MAGI1: variants seen among roughly 807,000 people sequenced by gnomAD.
MAGI1 encodes the protein membrane-associated guanylate kinase, WW and PDZ domain-containing protein 1.
A neutral mutation model predicts 139.9 loss-of-function variants in MAGI1; 58 were observed. The observed-to-expected ratio is 0.41, with a 90% CI of 0.34 to 0.52. MAGI1 has a LOEUF of 0.52. Ranked by LOEUF, MAGI1 falls within the 20% of genes least tolerant of loss-of-function variation. The pLI is 0.12. For synonymous variants in MAGI1, 812 were observed against 737.9 expected, an observed-to-expected ratio of 1.10 and a Z score of -1.63; for missense variants, 1,874 against 1,901.6, an observed-to-expected ratio of 0.99 and a Z score of 0.27.
At chr3:65,678,011 T>G (rs2087309184) in intron 1 of MAGI1, among the ~76,000 whole-genome samples, 1 of 152,250 alleles carries the variant, frequency 6.6e-6, no homozygotes, top group Non-Finnish European at 1.5e-5. Flanking sequence ...GATGAGTTCA[T>G]GTCCTTTGCA....
chr3:65,993,566 A>G (rs2066288645), intron 1 of MAGI1, among the ~76,000 whole-genome samples: 1 of 152,200 alleles, frequency 6.6e-6, no homozygotes, highest in Non-Finnish European at 1.5e-5. Context: ...ACTGAACCCA[A>G]AAACTTGTTC....
At chr3:65,933,252 G>A (rs1288561457) in intron 1 of MAGI1, among the ~76,000 whole-genome samples, 1 of 152,192 alleles carries the variant, frequency 6.6e-6, no homozygotes, top group East Asian at 1.9e-4. Context: ...GTTTCTACAA[G>A]TAAGGAACAG....
chr3:65,789,563 T>C (rs767826881), intron 1 of MAGI1, among the ~76,000 whole-genome samples: 26 of 152,184 alleles, frequency 1.7e-4, no homozygotes, highest in Non-Finnish European at 3.7e-4. Context: ...CCAGAGAAGT[T>C]AGGTAAGTTA....
chr3:65,941,570 T>C (rs1457664835), intron 1 of MAGI1, among the ~76,000 whole-genome samples: 6 of 152,110 alleles, frequency 3.9e-5, no homozygotes, highest in African/African-American at 1.4e-4. Context: ...AAAATAAGTC[T>C]AGATTGTGAA....
intron 12 of MAGI1, among the ~76,000 whole-genome samples, chr3:65,422,222 A>G (rs1946677787): frequency 6.6e-6 from 1 of 152,224 alleles, no homozygotes; most frequent in Non-Finnish European, 1.5e-5. Context: ...ACTGAAATTT[A>G]AATCTTACAT....
intron 1 of MAGI1, among the ~76,000 whole-genome samples, chr3:65,830,108 G>A (rs2042445327): frequency 6.6e-6 from 1 of 152,182 alleles, no homozygotes; most frequent in African/African-American, 2.4e-5. Flanking sequence ...CTGACCACCA[G>A]CACTGCCCAG....
chr3:66,012,148 AC>A (rs1438056476), intron 1 of MAGI1, among the ~76,000 whole-genome samples: 1 of 152,162 alleles, frequency 6.6e-6, no homozygotes, highest in Admixed American at 6.6e-5. Flanking sequence ...AGCCACTGAA[AC>A]ATTCTATGCT....
intron 2 of MAGI1, among the ~76,000 whole-genome samples, chr3:65,571,263 T>C (rs2108070567): frequency 6.6e-6 from 1 of 152,290 alleles, no homozygotes; most frequent in Non-Finnish European, 1.5e-5. Flanking sequence ...ACAAATTATT[T>C]TATATAAGTT....
At chr3:65,826,630 C>A (rs7611510) in intron 1 of MAGI1, among the ~76,000 whole-genome samples, 2 of 152,204 alleles carry the variant, frequency 1.3e-5, no homozygotes, top group African/African-American at 4.8e-5. Flanking sequence ...GCCCAACTCA[C>A]AAGACCAGAC....
intron 2 of MAGI1, among the ~76,000 whole-genome samples, chr3:65,535,984 G>A (rs2078942491): frequency 6.6e-6 from 1 of 152,206 alleles, no homozygotes; most frequent in Non-Finnish European, 1.5e-5. Context: ...CACACCATGA[G>A]GGGCACATGG....
intron 1 of MAGI1, among the ~76,000 whole-genome samples, chr3:65,701,445 G>C (rs1361761771): frequency 1.3e-5 from 2 of 152,256 alleles, no homozygotes; most frequent in Non-Finnish European, 2.9e-5. Context: ...TAGAGACGGG[G>C]TTTCGCCATG....
intron 1 of MAGI1, among the ~76,000 whole-genome samples, chr3:65,742,568 C>A (rs17370322): frequency 6.6e-6 from 1 of 152,120 alleles, no homozygotes; most frequent in African/African-American, 2.4e-5. Flanking sequence ...ATTCTTCAGA[C>A]GATTAAAGGA....
At chr3:65,947,205 T>C (rs931794075) in intron 1 of MAGI1, among the ~76,000 whole-genome samples, 5 of 152,170 alleles carry the variant, frequency 3.3e-5, no homozygotes, top group African/African-American at 4.8e-5. Context: ...GAAAATTGTA[T>C]TGGTAAGCCA....
intron 1 of MAGI1, among the ~76,000 whole-genome samples, chr3:65,977,727 A>T (rs999273949): frequency 6.9e-6 from 1 of 144,072 alleles, no homozygotes; most frequent in Non-Finnish European, 1.5e-5. Flanking sequence ...ACTACCAAAT[A>T]AAAAAAAAAA....
At chr3:65,753,491 CGGGA>C (rs1355299973) in intron 1 of MAGI1, among the ~76,000 whole-genome samples, 3 of 151,966 alleles carry the variant, frequency 2.0e-5, no homozygotes, top group Non-Finnish European at 4.4e-5. Flanking sequence ...GAGGCCGAGG[CGGGA>C]GGATCACCTG....
chr3:65,432,805 C>T (rs59961450), intron 10 of MAGI1, among the ~76,000 whole-genome samples: 3,563 of 152,188 alleles, frequency 0.023, 124 homozygotes, highest in African/African-American at 0.082. Context: ...ACTCTTGTAG[C>T]AGGTGCTGCT....
At chr3:65,930,899 G>A (rs1052413674) in intron 1 of MAGI1, among the ~76,000 whole-genome samples, 2 of 152,118 alleles carry the variant, frequency 1.3e-5, no homozygotes, top group African/African-American at 2.4e-5. Flanking sequence ...GGAATTGCCC[G>A]CCCCTTTCCT....
intron 5 of MAGI1, among the ~76,000 whole-genome samples, chr3:65,457,591 A>G (rs1405810806): frequency 1.3e-5 from 2 of 152,092 alleles, no homozygotes; most frequent in Non-Finnish European, 2.9e-5. Flanking sequence ...CTTAAATTAT[A>G]TTTTATTTTT....
intron 1 of MAGI1, among the ~76,000 whole-genome samples, chr3:65,999,099 T>G (rs12631646): frequency 1.3e-5 from 2 of 152,034 alleles, no homozygotes; most frequent in Non-Finnish European, 2.9e-5. Context: ...CCGGGGTACA[T>G]GTGCAGGATG....
Sources: gnomAD v4.1 joint callset for allele counts (sites outside exome capture counted in the v4.1 genomes callset) on GRCh38, gnomAD v4.1.1 for gene constraint, MANE v1.5 for transcripts, NCBI Gene and HGNC (gene_info 2026-07-23, HGNC 2026-07-21) for gene names.